TMEM132D: variants seen among roughly 807,000 people sequenced by gnomAD.
TMEM132D encodes the protein transmembrane protein 132D, also known as mature OL transmembrane protein.
TMEM132D carries 21 observed loss-of-function variants against 62.3 expected under a neutral mutation model. The ratio of observed to expected loss-of-function variants is 0.34; its 90% confidence interval spans 0.24 to 0.49. The LOEUF (loss-of-function observed/expected upper bound fraction) is 0.49, where lower values mean the gene tolerates loss of function less well. Among genes scored for constraint, TMEM132D ranks in the 20% least tolerant of loss-of-function variants. The pLI, the probability that TMEM132D is intolerant of heterozygous loss-of-function variation, is 0.99. For synonymous variants in TMEM132D, 621 were observed against 575.6 expected (o/e 1.08, Z -1.13); for missense variants, 1,346 against 1,402.8 (o/e 0.96, Z 0.65).
At chr12:129,660,679 C>A (rs924545127) in intron 2 of TMEM132D, among the ~76,000 whole-genome samples, 1 of 152,050 alleles carries the variant, frequency 6.6e-6, no homozygotes, top group Non-Finnish European at 1.5e-5. Context: ...CACTCATGTG[C>A]GGGGGGTACA....
rs1210889863 is a variant in TMEM132D, at chr12:129,082,013, C to G, written c.1669G>C (p.Glu557Gln). 1.2e-6 allele frequency: 2 copies of G among 1,608,886 alleles called. No homozygotes were observed. Among genetic ancestry groups the G allele is most frequent in the Admixed American group, 3.3e-5 (2 of 59,786 alleles). The part of the protein sequence containing the change: ...SSRRPAGDSE[E>Q]EEDDERRGRG... ...CCCCTCCGCTCATCATCCTCCTCCTCTTCACTGTCCCCGGCAGGCCTGTGA... is the reference window on the plus strand; with the variant it reads ...CCCCTCCGCTCATCATCCTCCTCCTGTTCACTGTCCCCGGCAGGCCTGTGA... Residue 557 changes from glutamate (E) to glutamine (Q), a missense_variant, in exon 7 of 9, where the codon GAG becomes CAG. Physicochemically the swap from Glu to Gln is conservative, Grantham distance 29. Transcript: ENST00000422113.
intron 3 of TMEM132D, among the ~76,000 whole-genome samples, chr12:129,405,895 C>A (rs575993832): frequency 6.6e-6 from 1 of 152,108 alleles, no homozygotes; most frequent in East Asian, 1.9e-4. Flanking sequence ...CTTTAGTAAG[C>A]TTTCTTTTGC....
At chr12:129,317,266 G>A (rs1364892128) in intron 4 of TMEM132D, among the ~76,000 whole-genome samples, 1 of 152,180 alleles carries the variant, frequency 6.6e-6, no homozygotes, top group Non-Finnish European at 1.5e-5. Context: ...AAGAGGTTCT[G>A]TTTTGATGTG....
chr12:129,491,042 A>T (rs1874778318), intron 3 of TMEM132D, among the ~76,000 whole-genome samples: 1 of 152,112 alleles, frequency 6.6e-6, no homozygotes, highest in Non-Finnish European at 1.5e-5. Flanking sequence ...TCTGGGCCAA[A>T]ATATGGGGTC....
intron 1 of TMEM132D, among the ~76,000 whole-genome samples, chr12:129,811,594 T>C (rs941513369): frequency 1.3e-4 from 19 of 151,812 alleles, no homozygotes; most frequent in Middle Eastern, 3.4e-3. Context: ...CCTCTGTGAG[T>C]GTGCGACCTT....
intron 3 of TMEM132D, among the ~76,000 whole-genome samples, chr12:129,488,381 A>G (rs1213481400): frequency 2.6e-5 from 4 of 152,042 alleles, no homozygotes; most frequent in African/African-American, 9.7e-5. Context: ...ACTTTCAATT[A>G]TCTTCTTATT....
rs374711034 is a variant in TMEM132D, at chr12:129,471,579, C to CT, written c.1115+59479dup. On this transcript the variant is annotated intron_variant, in intron 3 of 8. Transcript: ENST00000422113. Reference sequence around the variant, plus strand: ...CCAGTTACTGACCCTACAATGGCCTCTAAGTGTTCCAGGGAAAGGAAGGCT... The same window carrying CT: ...CCAGTTACTGACCCTACAATGGCCTCTTAAGTGTTCCAGGGAAAGGAAGGCT... 3.9e-3 allele frequency among the ~76,000 whole-genome samples: 601 copies of CT among 152,286 alleles called. 3 individuals carry two copies. The highest frequency in any genetic ancestry group is 0.014 in the African/African-American group (563 of 41,568).
At chr12:129,124,444 C>G (rs1593269005) in intron 5 of TMEM132D, among the ~76,000 whole-genome samples, 4 of 152,228 alleles carry the variant, frequency 2.6e-5, no homozygotes, top group Non-Finnish European at 5.9e-5. Context: ...AACATTTGAG[C>G]TCTCCTAAAA....
chr12:129,854,207 C>A (rs909143668), intron 1 of TMEM132D, among the ~76,000 whole-genome samples: 22 of 152,172 alleles, frequency 1.4e-4, no homozygotes, highest in African/African-American at 5.1e-4. Flanking sequence ...GGACACAAAA[C>A]GTTCAGCTAT....
intron 1 of TMEM132D, among the ~76,000 whole-genome samples, chr12:129,801,745 A>G (rs1833203857): frequency 1.3e-5 from 2 of 149,396 alleles, no homozygotes; most frequent in African/African-American, 4.9e-5. Flanking sequence ...ACTCTGAGCT[A>G]CGGGAGGACA....
At chr12:129,559,634 T>C (rs1165278361) in intron 2 of TMEM132D, among the ~76,000 whole-genome samples, 1 of 152,212 alleles carries the variant, frequency 6.6e-6, no homozygotes, top group Non-Finnish European at 1.5e-5. Flanking sequence ...TCATCTAACA[T>C]AGATGTCATG....
At chr12:129,511,382 T>C (rs975891957) in intron 3 of TMEM132D, among the ~76,000 whole-genome samples, 3 of 152,240 alleles carry the variant, frequency 2.0e-5, no homozygotes, top group African/African-American at 7.2e-5. Context: ...TTTTTATCTT[T>C]GAATCTTATT....
At chr12:129,453,295 A>G (rs945690156) in intron 3 of TMEM132D, among the ~76,000 whole-genome samples, 3 of 152,154 alleles carry the variant, frequency 2.0e-5, no homozygotes, top group Non-Finnish European at 2.9e-5. Context: ...CGAAGCCCAT[A>G]TCTGCTGGCT....
At chr12:129,649,716 A>G (rs1593104888) in intron 2 of TMEM132D, among the ~76,000 whole-genome samples, 2 of 151,940 alleles carry the variant, frequency 1.3e-5, no homozygotes, top group East Asian at 3.9e-4. Context: ...ATATACATGC[A>G]TAATCCATGT....
intron 3 of TMEM132D, among the ~76,000 whole-genome samples, chr12:129,408,740 A>G (rs1181186162): frequency 6.6e-6 from 1 of 152,116 alleles, no homozygotes; most frequent in African/African-American, 2.4e-5. Context: ...GTATGTATAT[A>G]TCTATCTGTG....
chr12:129,379,879 T>C (rs2135686187), intron 3 of TMEM132D, among the ~76,000 whole-genome samples: 1 of 152,336 alleles, frequency 6.6e-6, no homozygotes, highest in South Asian at 2.1e-4. Flanking sequence ...AAATGGGTCA[T>C]GATAATTTAC....
At chr12:129,489,216 T>A (rs1874683733) in intron 3 of TMEM132D, among the ~76,000 whole-genome samples, 1 of 152,240 alleles carries the variant, frequency 6.6e-6, no homozygotes, top group African/African-American at 2.4e-5. Context: ...TCTTCTTGAA[T>A]GACTCTTTTT....
chr12:129,558,028 C>T (rs1407077589), intron 2 of TMEM132D, among the ~76,000 whole-genome samples: 1 of 152,102 alleles, frequency 6.6e-6, no homozygotes, highest in East Asian at 1.9e-4. Flanking sequence ...GAAATGAGTG[C>T]TATCAGGAAT....
At chr12:129,147,328 A>G (rs1876941555) in intron 5 of TMEM132D, among the ~76,000 whole-genome samples, 1 of 150,924 alleles carries the variant, frequency 6.6e-6, no homozygotes, top group African/African-American at 2.4e-5. Context: ...GTATATATAT[A>G]CATATATATT....
Sources: allele counts gnomAD v4.1 joint callset (sites outside exome capture counted in the v4.1 genomes callset), GRCh38; gene constraint gnomAD v4.1.1; transcripts MANE v1.5; gene names NCBI Gene and HGNC (gene_info 2026-07-23, HGNC 2026-07-21).